The following CSTF3 variants were observed in gnomAD, a reference collection of about 807,000 sequenced individuals.
CSTF3 encodes cleavage stimulation factor subunit 3.
CSTF3 carries 29 observed loss-of-function variants against 105.8 expected under a neutral mutation model. The observed-to-expected ratio is 0.27, with a 90% confidence interval of 0.20 to 0.37. The LOEUF (loss-of-function observed/expected upper bound fraction) is 0.37, where lower values mean the gene tolerates loss of function less well. CSTF3 is among the 10% of genes least tolerant of loss of function. CSTF3 has a pLI of 1.00. For missense variants in CSTF3, 357 were observed against 879.3 expected (o/e 0.41, Z 7.51); for synonymous variants, 252 against 281.9 (o/e 0.89, Z 1.06).
chr11:33,090,799 G>T, intron 16 of CSTF3, 72 bp from the exon 17 acceptor site: 15 of 980,860 alleles, frequency 1.5e-5, no homozygotes, highest in Non-Finnish European at 2.0e-5. Context: ...TTACAAAAAC[G>T]CCTTAAGCTC....
At position 33,122,475 on chromosome 11, in the gene CSTF3, G is replaced by C. The variant is rs1174368878; in HGVS notation, c.226-14057C>G. On this transcript the variant is annotated intron_variant, in intron 3 of 20. Coordinates refer to ENST00000323959, the MANE Select transcript of CSTF3 (RefSeq NM_001326.3). ...CTATTTTCATTATATAACAGTATGT[G>C]AGTCTCCTCATGTCTAATGTTGAGA... 2.0e-5 allele frequency among the ~76,000 whole-genome samples: 3 copies of C among 152,008 alleles called. No individual in the cohort carries two copies. The East Asian group carries it at 5.8e-4, about 29-fold the overall frequency.
Position 33,102,205 on chromosome 11 carries a change from T to C in CSTF3, c.798A>G (p.Thr266=). 6.2e-7 allele frequency: 1 copy of C among 1,614,012 alleles called. No individual in the cohort carries two copies. The highest frequency in any genetic ancestry group is 1.1e-5 in the South Asian group (1 of 91,072). ...TTTTTGTTATAAGGGTCTGATCCTC[T>C]GTACGAAGAGGGTTGCTCTTTTCCC... is the stretch of plus-strand genomic sequence containing the variant. The part of the protein sequence containing the change: ...IQWEKSNPLR[T]EDQTLITKRV... Residue 266 remains threonine (T), a synonymous_variant, in exon 10 of 21, where the codon ACA becomes ACG. Transcript: ENST00000323959.
rs1319711323 is a variant in CSTF3, at chr11:33,098,708, C to T, written c.1110G>A (p.Glu370=). The change falls in exon 13 of 21, where the codon GAG becomes GAA. Residue 370 remains glutamate (E), a synonymous_variant. Coordinates refer to ENST00000323959, the MANE Select transcript of CSTF3 (RefSeq NM_001326.3). ...TACTCACCAAGGTAGGGTCAATATC[C>T]TCAATTGCCAGAAGTCTGTTATATA... ...HSIYNRLLAI[E]DIDPTLVYIQ... 3.2e-6 allele frequency: 5 copies of T among 1,581,814 alleles called. No individual in the cohort carries two copies. The East Asian group carries it at 9.3e-5, about 29-fold the overall frequency.
Position 33,090,755 on chromosome 11 carries a change from TTTAA to T in CSTF3, c.1446-32_1446-29del. On this transcript the variant is annotated intron_variant, in intron 16 of 20. Transcript: ENST00000323959. ...GCAAGAAAAGAAATACAATCAATACTTTAATTATTCTGGGTTTAGGGCAGGGAGT... is the reference window on the plus strand; with the variant it reads ...GCAAGAAAAGAAATACAATCAATACTTTATTCTGGGTTTAGGGCAGGGAGT... 2.0e-6 allele frequency: 3 copies of T among 1,472,886 alleles called. No individual in the cohort carries two copies. The South Asian group carries it at 4.3e-5, about 21-fold the overall frequency. 91.2% of individuals were successfully genotyped at this position (1,472,886 alleles called of 1,614,324 possible).
rs11032184 is a variant in CSTF3 at position 33,157,163 on chromosome 11, G to C, written c.27+4136C>G. On this transcript the variant is annotated intron_variant, in intron 1 of 20. Transcript: ENST00000323959. Reference sequence around the variant, plus strand: ...AGGTCAGGAGTTCAAGACCAGCCTGGTCAACATGGTGAAACACCATTTCTA... The same window carrying C: ...AGGTCAGGAGTTCAAGACCAGCCTGCTCAACATGGTGAAACACCATTTCTA... 8.7e-3 allele frequency among the ~76,000 whole-genome samples: 1,321 copies of C among 152,206 alleles called. 24 individuals are homozygous for C. The highest frequency in any genetic ancestry group is 0.031 in the African/African-American group (1,270 of 41,524).
intron 3 of CSTF3, among the ~76,000 whole-genome samples, chr11:33,126,613 T>C (rs1855546010): frequency 6.6e-6 from 1 of 152,232 alleles, no homozygotes; most frequent in African/African-American, 2.4e-5. Context: ...TTTTTTAACC[T>C]GTCACAGTAA....
intron 3 of CSTF3, among the ~76,000 whole-genome samples, chr11:33,128,477 G>A (rs1453535915): frequency 2.0e-5 from 3 of 151,798 alleles, no homozygotes; most frequent in African/African-American, 7.3e-5. Flanking sequence ...TAAAATAAGG[G>A]CCCAGAATTA....
chr11:33,158,186 A>G (rs1849890066), intron 1 of CSTF3, among the ~76,000 whole-genome samples: 1 of 152,210 alleles, frequency 6.6e-6, no homozygotes, highest in African/African-American at 2.4e-5. Context: ...TTTGAAATGT[A>G]TTATTAAAAA....
At position 33,102,523 on chromosome 11, in the gene CSTF3, A is replaced by T. The variant is rs144848357; in HGVS notation, c.664-184T>A. Among the ~76,000 whole-genome samples the T allele has an allele frequency of 8.9e-3, 1,349 of 152,346 alleles. 19 individuals carry two copies. Among genetic ancestry groups the T allele is most frequent in the African/African-American group, 0.03 (1,261 of 41,580 alleles). On this transcript the variant is annotated intron_variant, in intron 9 of 20. Transcript: ENST00000323959. ...ATAAGAGTATTACCCACTCAAGAAC[A>T]GGTTCCCAGGAGTGGGTAAACAAAA...
intron 1 of CSTF3, among the ~76,000 whole-genome samples, chr11:33,149,145 T>C (rs888512242): frequency 6.6e-6 from 1 of 152,246 alleles, no homozygotes; most frequent in African/African-American, 2.4e-5. Context: ...CAATTTCAGT[T>C]AGCGATTAGT....
chr11:33,127,015 A>G (rs1855550401), intron 3 of CSTF3, among the ~76,000 whole-genome samples: 1 of 152,186 alleles, frequency 6.6e-6, no homozygotes, highest in Non-Finnish European at 1.5e-5. Flanking sequence ...AAGAAAGTAA[A>G]GCAGCTAGCA....
chr11:33,113,909 G>A (rs1270255687), intron 3 of CSTF3, among the ~76,000 whole-genome samples: 2 of 151,920 alleles, frequency 1.3e-5, no homozygotes, highest in Admixed American at 1.3e-4. Context: ...AAAAAAATCA[G>A]TGGTTATCTT....
At chr11:33,154,582 C>T (rs147965016) in intron 1 of CSTF3, among the ~76,000 whole-genome samples, 1,998 of 148,860 alleles carry the variant, frequency 0.013, 26 homozygotes, top group South Asian at 0.025. Flanking sequence ...CTGCAACCTC[C>T]GACTCCCGGG....
chr11:33,135,009 T>C (rs1272883596), intron 3 of CSTF3, among the ~76,000 whole-genome samples: 1 of 152,180 alleles, frequency 6.6e-6, no homozygotes, highest in Non-Finnish European at 1.5e-5. Flanking sequence ...GGGTACAAGT[T>C]AGCTGCAGTT....
In CSTF3 at chr11:33,085,199, G is replaced by C; in HGVS notation, c.2042C>G (p.Thr681Ser). ...CTCGTTGGGCCTTTTGACGGCCTTG[G>C]TGAGTACTGCATTACTTTCCACGGG... is the stretch of plus-strand genomic sequence containing the variant. ...NGPVESNAVL[T>S]KAVKRPNEDS... Residue 681 changes from threonine to serine, a missense_variant, in exon 21 of 21, where the codon ACC becomes AGC. Transcript: ENST00000323959. The C allele has an allele frequency of 6.2e-7, 1 of 1,614,036 alleles. No individual in the cohort carries two copies. Among genetic ancestry groups the C allele is most frequent in the Non-Finnish European group, 8.5e-7 (1 of 1,179,984 alleles).
chr11:33,134,781 C>A (rs1203626472), intron 3 of CSTF3, among the ~76,000 whole-genome samples: 1 of 152,042 alleles, frequency 6.6e-6, no homozygotes, highest in African/African-American at 2.4e-5. Context: ...TTGAGAAACA[C>A]TACAGATCTT....
intron 15 of CSTF3, among the ~76,000 whole-genome samples, chr11:33,095,500 T>C (rs1855210790): frequency 6.6e-6 from 1 of 152,204 alleles, no homozygotes; most frequent in African/African-American, 2.4e-5. Context: ...ATGGCCAGTG[T>C]TATTCGTACA....
chr11:33,134,895 G>A (rs529272828), intron 3 of CSTF3, among the ~76,000 whole-genome samples: 20 of 152,232 alleles, frequency 1.3e-4, no homozygotes, highest in African/African-American at 4.6e-4. Context: ...AGAAGAATGA[G>A]AAGTACCAGC....
At chr11:33,106,314 G>A (rs1855325151) in intron 5 of CSTF3, among the ~76,000 whole-genome samples, 1 of 152,088 alleles carries the variant, frequency 6.6e-6, no homozygotes, top group Non-Finnish European at 1.5e-5. Context: ...TACTCGGAAG[G>A]CTGAGGTGGG....
Sources: gnomAD v4.1 joint callset for allele counts (sites outside exome capture counted in the v4.1 genomes callset) on GRCh38, gnomAD v4.1.1 for gene constraint, MANE v1.5 for transcripts, NCBI Gene and HGNC (gene_info 2026-07-23, HGNC 2026-07-21) for gene names.